Variants in TSC2 observed in about 807,000 individuals in gnomAD.
TSC2 encodes the protein tuberin.
In TSC2, 29 loss-of-function variants were observed where a neutral mutation model predicts 202.2. The observed-to-expected ratio is 0.14, with a 90% confidence interval of 0.11 to 0.20. The LOEUF is 0.20. Among genes scored for constraint, TSC2 ranks in the 10% least tolerant of loss-of-function variants. TSC2 has a pLI of 1.00. For missense variants in TSC2, 2,429 were observed against 2,420.0 expected, an observed-to-expected ratio of 1.00 and a Z score of -0.08; for synonymous variants, 1,349 against 1,044.0, an observed-to-expected ratio of 1.29 and a Z score of -5.63.
intron 15 of TSC2, 187 bp downstream of exon 15, chr16:2,064,614 G>GGACTTTCAGTCAGGAC: frequency 2.3e-6 from 2 of 877,800 alleles, no homozygotes; most frequent in Non-Finnish European, 3.5e-6. Context: ...TTTGTGTCCT[G>GGACTTTCAGTCAGGAC]ACTGAAAGTC....
chr16:2,068,905 C>A (rs773723079), intron 16 of TSC2: 20 of 147,422 alleles, frequency 1.4e-4, no homozygotes, highest in African/African-American at 5.0e-4. Context: ...CATAAGGAAG[C>A]GAAAATACAT....
At chr16:2,087,111 G>T (rs1031783802) in intron 38 of TSC2, 5 of 609,072 alleles carry the variant, frequency 8.2e-6, no homozygotes, top group Non-Finnish European at 1.4e-5. Context: ...TGCAGACTGG[G>T]TGTGCTGGGT....
intron 37 of TSC2, 138 bp from the exon 38 acceptor site, chr16:2,086,594 G>A (rs1259703747): frequency 6.9e-7 from 1 of 1,448,180 alleles, no homozygotes; most frequent in African/African-American, 1.4e-5. Flanking sequence ...GAGAGCCGAG[G>A]ACCACTGGCC....
At chr16:2,070,231 C>T (rs926852240) in intron 16 of TSC2, among the ~76,000 whole-genome samples, 1 of 152,206 alleles carries the variant, frequency 6.6e-6, no homozygotes, top group Admixed American at 6.5e-5. Flanking sequence ...ATGGACTCTT[C>T]CTCACCTGTT....
intron 38 of TSC2, among the ~76,000 whole-genome samples, 190 bp from the exon 39 acceptor site, chr16:2,087,673 C>A (rs1049061871): frequency 6.6e-6 from 1 of 152,164 alleles, no homozygotes; most frequent in African/African-American, 2.4e-5. Flanking sequence ...GTGGGTGCTG[C>A]GCCCAGATGT....
Position 2,080,325 on chromosome 16 carries a change from T to C in TSC2, c.3558T>C (p.Tyr1186=), listed in dbSNP as rs1202939879. ...AGGAGAAGACGAACCTGGCGGCCTATGTGCCCCTGCTGACCCAGGGCTGGG... is the reference window on the plus strand; with the variant it reads ...AGGAGAAGACGAACCTGGCGGCCTACGTGCCCCTGCTGACCCAGGGCTGGG... ...PVQEKTNLAA[Y]VPLLTQGWAE... is the part of the protein sequence containing the mutation. The change falls in exon 30 of 42, where the codon TAT becomes TAC. Residue 1186 remains tyrosine (Y), a synonymous_variant. Coordinates refer to ENST00000219476, the MANE Select transcript of TSC2 (RefSeq NM_000548.5). 1.2e-6 allele frequency: 2 copies of C among 1,612,748 alleles called. No individual in the cohort carries two copies. The highest frequency in any genetic ancestry group is 2.2e-5 in the East Asian group (1 of 44,888).
chr16:2,059,350 T>C (rs1354004499), intron 10 of TSC2, among the ~76,000 whole-genome samples: 2 of 149,074 alleles, frequency 1.3e-5, no homozygotes, highest in Admixed American at 6.7e-5. Context: ...TTTTTTTTTT[T>C]TTTTTTTTTG....
rs887128869 is a variant in TSC2, at chr16:2,061,897, C to A, written c.1146C>A (p.Thr382=). Residue 382 remains threonine, a synonymous_variant, in exon 12 of 42, where the codon ACC becomes ACA. Transcript: ENST00000219476. ...LQTLDSPELR[T]IVHDLLTTVE... is the part of the protein sequence containing the mutation. The stretch of plus-strand genomic sequence containing the variant: ...CCTTGGACAGCCCGGAGCTCAGGAC[C>A]ATCGTCCATGACCTGTTGACCACGG... 1.9e-6 allele frequency: 3 copies of A among 1,614,082 alleles called. No individual in the cohort carries two copies. Among genetic ancestry groups the A allele is most frequent in the African/African-American group, 2.7e-5 (2 of 74,936 alleles).
intron 2 of TSC2, 35 bp from the exon 3 acceptor site, chr16:2,050,365 C>T (rs1460475879): frequency 6.2e-7 from 1 of 1,600,436 alleles, no homozygotes; most frequent in African/African-American, 1.3e-5. Flanking sequence ...GTGGCCTGAG[C>T]ACTGGCCCCT....
intron 16 of TSC2, among the ~76,000 whole-genome samples, chr16:2,068,940 C>T (rs572847332): frequency 1.3e-5 from 2 of 150,766 alleles, no homozygotes; most frequent in South Asian, 4.2e-4. Flanking sequence ...GTGGAAGTGG[C>T]TCATCACCAA....
Position 2,048,013 on chromosome 16 carries a change from G to T in TSC2, c.-82G>T, listed in dbSNP as rs1391750751. 109 of 1,468,180 alleles carry T rather than the reference G, an allele frequency of 7.4e-5. No homozygotes were observed. Among genetic ancestry groups the T allele is most frequent in the Middle Eastern group, 1.8e-4 (1 of 5,564 alleles). 90.9% of individuals were successfully genotyped at this position (1,468,180 alleles called of 1,614,324 possible). A position where few individuals can be genotyped will look rare whatever the true frequency, so the allele number is the denominator to read the frequency against. On this transcript the variant is annotated 5_prime_UTR_variant, in exon 1 of 42. Transcript: ENST00000219476. Reference sequence around the variant, plus strand: ...TCCGGCGGCGTCCCGGGGCCAGGGGGGTGCGCCTTTCTCCGCGTCGGGGCG... The same window carrying T: ...TCCGGCGGCGTCCCGGGGCCAGGGGTGTGCGCCTTTCTCCGCGTCGGGGCG...
At chr16:2,077,100 C>T (rs1408171974) in intron 25 of TSC2, among the ~76,000 whole-genome samples, 1 of 152,244 alleles carries the variant, frequency 6.6e-6, no homozygotes, top group Admixed American at 6.5e-5. Flanking sequence ...AACTCGGAAG[C>T]TGTTGTCTCC....
In TSC2 at chr16:2,069,563, T is replaced by A. The variant is rs547694946; in HGVS notation, c.1717-893T>A. ...GGCACGATCTCGGCTCACTGCAAGC[T>A]CTGCCTCCTGGGTTCACGCCATTCT... On this transcript the variant is annotated intron_variant, in intron 16 of 41. Coordinates refer to ENST00000219476, the MANE Select transcript of TSC2 (RefSeq NM_000548.5). Among the ~76,000 whole-genome samples the A allele has an allele frequency of 9.9e-5, 15 of 151,678 alleles. 1 individual carries two copies. The South Asian group carries it at 3.1e-3, about 32-fold the overall frequency.
At chr16:2,054,152 C>T in intron 4 of TSC2, 144 bp from the exon 5 acceptor site, 2 of 1,310,542 alleles carry the variant, frequency 1.5e-6, no homozygotes, top group Non-Finnish European at 2.2e-6. Flanking sequence ...GCTGATGCTG[C>T]AGACCTGTCT....
intron 10 of TSC2, 73 bp from the exon 11 acceptor site, chr16:2,060,597 A>G (rs2086504483): frequency 1.2e-6 from 2 of 1,610,580 alleles, no homozygotes; most frequent in Non-Finnish European, 1.7e-6. Flanking sequence ...CTCGGTCCCA[A>G]GGGTGACTGG....
At chr16:2,058,244 C>T (rs932439670) in intron 9 of TSC2, among the ~76,000 whole-genome samples, 1 of 152,194 alleles carries the variant, frequency 6.6e-6, no homozygotes, top group Non-Finnish European at 1.5e-5. Flanking sequence ...CTCCATCTTG[C>T]CTTCTCCCCT....
rs1004564069 is a variant in TSC2 at position 2,062,780 on chromosome 16, C to G, written c.1361+180C>G. 5 of 886,388 alleles carry G rather than the reference C, an allele frequency of 5.6e-6. No homozygotes were observed. The African/African-American group carries it at 8.3e-5, about 15-fold the overall frequency. The allele number at this position is 886,388 out of a possible 1,614,324, so 54.9% of individuals were successfully genotyped here. On this transcript the variant is annotated intron_variant, in intron 13 of 41. Transcript: ENST00000219476. ...TTTCCAGTCCAGCAGGACAGGTCCT[C>G]TCATGACGCCACTGGGCTCCCTCTT...
In TSC2 at chr16:2,089,018, G is replaced by C; in HGVS notation, c.*408G>C. ...CCCAGACCTGATGCCAGCAGGCCTG[G>C]GCGCTGCTCTCTTGCTACCTGGCCT... On this transcript the variant is annotated 3_prime_UTR_variant, in exon 42 of 42. Transcript: ENST00000219476. 4.6e-6 allele frequency: 1 copy of C among 218,172 alleles called. No individual in the cohort carries two copies. The highest frequency in any genetic ancestry group is 5.2e-5 in the Admixed American group (1 of 19,136). 13.5% of individuals were successfully genotyped at this position (218,172 alleles called of 1,614,324 possible).
chr16:2,055,550 A>G, intron 6 of TSC2, 31 bp downstream of exon 6: 2 of 1,592,028 alleles, frequency 1.3e-6, no homozygotes, highest in Non-Finnish European at 1.7e-6. Flanking sequence ...CTGTTCTGAT[A>G]ATGGTCCTAA....
Sources: gnomAD v4.1 joint callset for allele counts (sites outside exome capture counted in the v4.1 genomes callset) on GRCh38, gnomAD v4.1.1 for gene constraint, MANE v1.5 for transcripts, NCBI Gene and HGNC (gene_info 2026-07-23, HGNC 2026-07-21) for gene names.